The following PDE3A variants were observed in gnomAD, a reference collection of about 807,000 sequenced individuals.
PDE3A encodes cGMP-inhibited 3',5'-cyclic phosphodiesterase 3A.
In PDE3A, 43 loss-of-function variants were observed where a neutral mutation model predicts 98.3. That is an observed-to-expected ratio of 0.44 (90% CI 0.34 to 0.56). The LOEUF (loss-of-function observed/expected upper bound fraction) is 0.56. PDE3A is among the 20% of genes least tolerant of loss of function. The pLI is 0.01. For missense variants in PDE3A, 1,427 were observed against 1,440.7 expected (o/e 0.99, Z 0.15); for synonymous variants, 663 against 567.9 (o/e 1.17, Z -2.38).
intron 1 of PDE3A, among the ~76,000 whole-genome samples, chr12:20,533,274 C>T (rs1941658369): frequency 6.6e-6 from 1 of 151,878 alleles, no homozygotes; most frequent in South Asian, 2.1e-4. Flanking sequence ...CATGGCTTCC[C>T]TTATTCAACT....
chr12:20,570,005 T>G (rs577744784), intron 2 of PDE3A, among the ~76,000 whole-genome samples: 1 of 152,286 alleles, frequency 6.6e-6, no homozygotes, highest in African/African-American at 2.4e-5. Flanking sequence ...GAAAAGCTGA[T>G]GCACTCACAT....
chr12:20,650,715 G>A, intron 14 of PDE3A, 115 bp downstream of exon 14: 3 of 546,102 alleles, frequency 5.5e-6, no homozygotes, highest in Non-Finnish European at 9.1e-6. Flanking sequence ...TCATACTTTT[G>A]TCAGAAAATG....
intron 15 of PDE3A, among the ~76,000 whole-genome samples, chr12:20,655,829 G>C (rs1407606123): frequency 1.3e-5 from 2 of 152,146 alleles, no homozygotes; most frequent in African/African-American, 4.8e-5. Context: ...GATAGACATA[G>C]GGCGGTCAGT....
chr12:20,376,088 A>G (rs553504821), intron 1 of PDE3A, among the ~76,000 whole-genome samples: 12 of 152,038 alleles, frequency 7.9e-5, no homozygotes, highest in Middle Eastern at 6.8e-3. Flanking sequence ...AGGTAAAATA[A>G]TATTTCATTT....
chr12:20,645,792 G>T (rs11045364), intron 10 of PDE3A, among the ~76,000 whole-genome samples: 28,571 of 151,952 alleles, frequency 0.19, 3,102 homozygotes, highest in Middle Eastern at 0.25. Flanking sequence ...TCATCAACCA[G>T]ATGATGGCAT....
intron 15 of PDE3A, among the ~76,000 whole-genome samples, chr12:20,679,162 G>A (rs552347546): frequency 6.6e-6 from 1 of 152,276 alleles, no homozygotes; most frequent in African/African-American, 2.4e-5. Flanking sequence ...ATACCAGCTT[G>A]AAAATATGAG....
intron 2 of PDE3A, among the ~76,000 whole-genome samples, chr12:20,612,849 C>T (rs904975630): frequency 2.0e-5 from 3 of 151,566 alleles, no homozygotes; most frequent in African/African-American, 7.3e-5. Flanking sequence ...CAGAATATGA[C>T]AGATGTGCCA....
At position 20,633,602 on chromosome 12, in the gene PDE3A, G is replaced by T. The variant is rs1484534392; in HGVS notation, c.1761-91G>T. On this transcript the variant is annotated intron_variant, in intron 6 of 15. Coordinates refer to ENST00000359062, the MANE Select transcript of PDE3A (RefSeq NM_000921.5). ...CAGAAGGTAGAAATATTTGACTATT[G>T]TTGTTTATCTTAATGTATACATAGA... is the stretch of plus-strand genomic sequence containing the variant. The T allele has an allele frequency of 2.3e-5, 13 of 572,784 alleles. No homozygotes were observed. The East Asian group carries it at 4.0e-4, about 18-fold the overall frequency. The allele number at this position is 572,784 out of a possible 1,614,324, so 35.5% of individuals were successfully genotyped here.
At chr12:20,590,068 C>T (rs1402273512) in intron 2 of PDE3A, among the ~76,000 whole-genome samples, 2 of 151,830 alleles carry the variant, frequency 1.3e-5, no homozygotes, top group Admixed American at 1.3e-4. Flanking sequence ...GAGTGATGGA[C>T]AAACCTAGAA....
intron 1 of PDE3A, among the ~76,000 whole-genome samples, chr12:20,489,868 AAC>A (rs768461354): frequency 3.9e-5 from 6 of 152,292 alleles, no homozygotes; most frequent in Non-Finnish European, 8.8e-5. Context: ...TTGCTCAGGA[AAC>A]ACAGGGCTGT....
chr12:20,630,151 G>C, intron 6 of PDE3A, 24 bp downstream of exon 6: 8 of 1,480,346 alleles, frequency 5.4e-6, no homozygotes, highest in Non-Finnish European at 7.6e-6. Flanking sequence ...ATGAACTGAA[G>C]TTTAATAATA....
At position 20,559,051 on chromosome 12, in the gene PDE3A, C is replaced by A. The variant is rs138480204; in HGVS notation, c.1011+2341C>A. Among the ~76,000 whole-genome samples the A allele has an allele frequency of 6.8e-3, 1,039 of 152,274 alleles. 3 individuals are homozygous for A. The highest frequency in any genetic ancestry group is 0.011 in the Non-Finnish European group (733 of 68,024). Reference sequence around the variant, plus strand: ...ATATATAATTCACATATAAGGCAATCTGATAGACGCAACATTACATACAGT... The same window carrying A: ...ATATATAATTCACATATAAGGCAATATGATAGACGCAACATTACATACAGT... On this transcript the variant is annotated intron_variant, in intron 2 of 15. Transcript: ENST00000359062.
chr12:20,415,684 G>A (rs1014281369), intron 1 of PDE3A, among the ~76,000 whole-genome samples: 5 of 152,098 alleles, frequency 3.3e-5, no homozygotes, highest in Non-Finnish European at 5.9e-5. Context: ...TGATCTGCCC[G>A]CCTCGGCCTC....
chr12:20,444,662 A>T (rs1360724242), intron 1 of PDE3A, among the ~76,000 whole-genome samples: 1 of 152,170 alleles, frequency 6.6e-6, no homozygotes, highest in African/African-American at 2.4e-5. Flanking sequence ...AAAAGTGTTA[A>T]TTCTCTCTGA....
intron 9 of PDE3A, 54 bp downstream of exon 9, chr12:20,637,291 G>A: frequency 2.2e-6 from 3 of 1,370,408 alleles, no homozygotes; most frequent in Non-Finnish European, 3.0e-6. Context: ...CAGTTCCTTT[G>A]TTGCTTAAAG....
chr12:20,450,370 T>G (rs1945042379), intron 1 of PDE3A, among the ~76,000 whole-genome samples: 1 of 152,184 alleles, frequency 6.6e-6, no homozygotes, highest in East Asian at 1.9e-4. Flanking sequence ...GGATTCCAAT[T>G]TCAAAGAGGT....
chr12:20,434,596 G>C (rs1031272507), intron 1 of PDE3A, among the ~76,000 whole-genome samples: 2 of 152,094 alleles, frequency 1.3e-5, no homozygotes, highest in Non-Finnish European at 1.5e-5. Context: ...CAGGGACGGG[G>C]AAAGCAGATA....
intron 1 of PDE3A, among the ~76,000 whole-genome samples, chr12:20,390,155 G>A (rs1381566237): frequency 6.6e-6 from 1 of 151,930 alleles, no homozygotes. Context: ...GTAGAGGTGG[G>A]ATGCTGGGAA....
rs376077636 is a variant in PDE3A, at chr12:20,488,691, A to G, written c.961-67969A>G. Among the ~76,000 whole-genome samples the G allele has an allele frequency of 5.9e-5, 9 of 152,146 alleles. No individual in the cohort carries two copies. In the South Asian group the frequency reaches 1.7e-3, roughly 28 times the overall value. Reference sequence around the variant, plus strand: ...CAACAACAACAACAAAAACAAAATAACAATAACAACAAATAATTACCTCAG... The same window carrying G: ...CAACAACAACAACAAAAACAAAATAGCAATAACAACAAATAATTACCTCAG... On this transcript the variant is annotated intron_variant, in intron 1 of 15. Transcript: ENST00000359062.
Sources: allele counts gnomAD v4.1 joint callset (sites outside exome capture counted in the v4.1 genomes callset), GRCh38; gene constraint gnomAD v4.1.1; transcripts MANE v1.5; gene names NCBI Gene and HGNC (gene_info 2026-07-23, HGNC 2026-07-21).